The following NTN4 variants were observed in gnomAD, a reference collection of about 807,000 sequenced individuals.
NTN4 encodes netrin-4.
NTN4 carries 32 observed loss-of-function variants against 73.6 expected under a neutral mutation model. The ratio of observed to expected loss-of-function variants is 0.44; its 90% CI spans 0.33 to 0.58. The LOEUF is 0.58. Ranked by LOEUF, NTN4 falls within the 20% of genes least tolerant of loss-of-function variation. The probability of loss-of-function intolerance (pLI) is 0.04; values close to 1 mark genes in which losing one functional copy is unlikely to be tolerated. For missense variants in NTN4, 654 were observed against 798.3 expected, an observed-to-expected ratio of 0.82 and a Z score of 2.18; for synonymous variants, 258 against 287.5, an observed-to-expected ratio of 0.90 and a Z score of 1.04.
chr12:95,659,913 A>G (rs2078123476), intron 9 of NTN4, among the ~76,000 whole-genome samples: 1 of 152,152 alleles, frequency 6.6e-6, no homozygotes, highest in South Asian at 2.1e-4. Context: ...AAAAGAACTG[A>G]GGGTTCTAAG....
intron 2 of NTN4, among the ~76,000 whole-genome samples, chr12:95,771,141 T>C (rs372352700): frequency 2.0e-3 from 302 of 151,968 alleles, no homozygotes; most frequent in African/African-American, 5.5e-3. Context: ...AGGCGCCTGC[T>C]ACCACGCCCG....
Position 95,664,820 on chromosome 12 carries a change from C to T in NTN4, c.1750+990G>A, listed in dbSNP as rs571005805. Reference sequence around the variant, plus strand: ...TAGAGATGGGGTTTCACTGTGTTGGCCAGGTTGGGCACAAAAGACTTCTTA... The same window carrying T: ...TAGAGATGGGGTTTCACTGTGTTGGTCAGGTTGGGCACAAAAGACTTCTTA... On this transcript the variant is annotated intron_variant, in intron 9 of 9. Coordinates refer to ENST00000343702, the MANE Select transcript of NTN4 (RefSeq NM_021229.4). Among the ~76,000 whole-genome samples, 35 of 151,944 alleles carry T rather than the reference C, an allele frequency of 2.3e-4. No homozygotes were observed. In the South Asian group the frequency reaches 6.3e-3, roughly 27 times the overall value.
intron 2 of NTN4, among the ~76,000 whole-genome samples, chr12:95,755,437 G>A (rs1004588634): frequency 3.3e-5 from 5 of 152,164 alleles, no homozygotes; most frequent in Non-Finnish European, 7.3e-5. Context: ...ACATGTGGGC[G>A]TCTGCAGCTG....
intron 5 of NTN4, among the ~76,000 whole-genome samples, chr12:95,696,324 C>A (rs1452816587): frequency 1.3e-5 from 2 of 152,062 alleles, no homozygotes; most frequent in African/African-American, 2.4e-5. Context: ...CAGACAGTGA[C>A]TAGAATAGGC....
chr12:95,718,389 C>T (rs1211752171), intron 3 of NTN4, among the ~76,000 whole-genome samples: 1 of 152,158 alleles, frequency 6.6e-6, no homozygotes, highest in African/African-American at 2.4e-5. Context: ...TGTTCATTGA[C>T]AGCATCAAGC....
intron 3 of NTN4, among the ~76,000 whole-genome samples, chr12:95,726,695 G>A (rs547117959): frequency 6.6e-6 from 1 of 152,180 alleles, no homozygotes; most frequent in African/African-American, 2.4e-5. Flanking sequence ...GGGCATGGTG[G>A]TTCACGCCTG....
chr12:95,703,901 G>GA (rs1437999839), intron 5 of NTN4, among the ~76,000 whole-genome samples: 9 of 152,108 alleles, frequency 5.9e-5, no homozygotes, highest in African/African-American at 2.2e-4. Context: ...AACCCTTGTT[G>GA]AAAAGCATTC....
chr12:95,770,992 G>GTTTTGTTTTTCTTT (rs1555221586), intron 2 of NTN4, among the ~76,000 whole-genome samples: 1 of 70,798 alleles, frequency 1.4e-5, no homozygotes. Flanking sequence ...AAAAGAATTT[G>GTTTTGTTTTTCTTT]TTTTTTTTTT....
At chr12:95,663,042 C>G (rs1592805152) in intron 9 of NTN4, among the ~76,000 whole-genome samples, 2 of 151,920 alleles carry the variant, frequency 1.3e-5, no homozygotes, top group African/African-American at 4.8e-5. Context: ...ATTGCTTGAG[C>G]CTGGGAGGTC....
Position 95,672,740 on chromosome 12 carries a change from C to G in NTN4, c.1511-2594G>C, listed in dbSNP as rs148477206. 6.2e-4 allele frequency: 860 copies of G among 1,386,920 alleles called. 3 individuals are homozygous for G. The African/African-American group carries it at 0.01, about 17-fold the overall frequency. 85.9% of individuals were successfully genotyped at this position (1,386,920 alleles called of 1,614,324 possible). Reference sequence around the variant, plus strand: ...AAGGATCGTAGGTATGCAGACCTCACAGATGATCAGCTATCCTCCTGTGAG... The same window carrying G: ...AAGGATCGTAGGTATGCAGACCTCAGAGATGATCAGCTATCCTCCTGTGAG... On this transcript the variant is annotated intron_variant, in intron 7 of 9. Transcript: ENST00000343702.
chr12:95,763,508 A>G (rs2121251102), intron 2 of NTN4, among the ~76,000 whole-genome samples: 1 of 152,350 alleles, frequency 6.6e-6, no homozygotes, highest in South Asian at 2.1e-4. Context: ...TCAAATATTT[A>G]AGGGCAGCCA....
At chr12:95,786,345 T>C (rs1220478639) in intron 2 of NTN4, among the ~76,000 whole-genome samples, 2 of 152,166 alleles carry the variant, frequency 1.3e-5, no homozygotes, top group Non-Finnish European at 2.9e-5. Context: ...ACATTCCACA[T>C]AGAAATTGGA....
chr12:95,670,197 G>A (rs1565878031), intron 7 of NTN4, 51 bp from the exon 8 acceptor site: 7 of 1,084,218 alleles, frequency 6.5e-6, no homozygotes, highest in Admixed American at 6.0e-5. Context: ...AGCAAAGAAA[G>A]AAAAAATAAG....
At chr12:95,786,865 G>C (rs948566421) in intron 2 of NTN4, 74 bp downstream of exon 2, 1 of 1,210,850 alleles carries the variant, frequency 8.3e-7, no homozygotes, top group Non-Finnish European at 1.2e-6. Context: ...ATAGCTTCAT[G>C]CTTTAAAAAA....
intron 3 of NTN4, among the ~76,000 whole-genome samples, chr12:95,713,630 T>G (rs1385018075): frequency 6.6e-6 from 1 of 152,180 alleles, no homozygotes; most frequent in Non-Finnish European, 1.5e-5. Context: ...ACTGGCTAAG[T>G]TTTTAATATC....
chr12:95,711,722 T>C (rs147164962), intron 4 of NTN4, among the ~76,000 whole-genome samples: 1 of 152,314 alleles, frequency 6.6e-6, no homozygotes, highest in East Asian at 1.9e-4. Context: ...TATAAGTCAA[T>C]AGCATCAAGT....
At chr12:95,788,788 T>C (rs1445875797) in intron 1 of NTN4, among the ~76,000 whole-genome samples, 1 of 152,190 alleles carries the variant, frequency 6.6e-6, no homozygotes, top group Non-Finnish European at 1.5e-5. Context: ...CTTTTCTCAT[T>C]AGCTGGGGCA....
At chr12:95,714,831 C>A (rs780016841) in intron 3 of NTN4, among the ~76,000 whole-genome samples, 1 of 152,110 alleles carries the variant, frequency 6.6e-6, no homozygotes, top group Non-Finnish European at 1.5e-5. Flanking sequence ...AAGTTTATTT[C>A]AATGCATCTA....
intron 2 of NTN4, among the ~76,000 whole-genome samples, chr12:95,765,647 C>T (rs985225686): frequency 6.6e-6 from 1 of 152,168 alleles, no homozygotes; most frequent in Non-Finnish European, 1.5e-5. Flanking sequence ...AGGTGCTAGA[C>T]ATATAGAGGC....
Sources: allele counts gnomAD v4.1 joint callset (sites outside exome capture counted in the v4.1 genomes callset), GRCh38; gene constraint gnomAD v4.1.1; transcripts MANE v1.5; gene names NCBI Gene and HGNC (gene_info 2026-07-23, HGNC 2026-07-21).